Variants in ZC3H18 observed in about 807,000 individuals in gnomAD.
The protein encoded by ZC3H18 is zinc finger CCCH domain-containing protein 18.
In ZC3H18, 8 loss-of-function variants were observed where a neutral mutation model predicts 106.1. The observed-to-expected ratio is 0.08, with a 90% CI of 0.04 to 0.14. The LOEUF is 0.14. Ranked by LOEUF, ZC3H18 falls within the 10% of genes least tolerant of loss-of-function variation. The pLI, the probability that ZC3H18 is intolerant of heterozygous loss-of-function variation, is 1.00. For synonymous variants in ZC3H18, 635 were observed against 522.1 expected, an observed-to-expected ratio of 1.22 and a Z score of -2.95; for missense variants, 1,318 against 1,278.4, an observed-to-expected ratio of 1.03 and a Z score of -0.47.
rs1411554592 is a variant in ZC3H18 at position 88,611,533 on chromosome 16, C to T, written c.1472C>T (p.Pro491Leu). 2 of 1,549,436 alleles carry T rather than the reference C, an allele frequency of 1.3e-6. No homozygotes were observed. The highest frequency in any genetic ancestry group is 1.7e-6 in the Non-Finnish European group (2 of 1,146,530). The change falls in exon 8 of 18, where the codon CCA becomes CTA. Residue 491 changes from proline (P) to leucine (L), a missense_variant. Physicochemically the swap from Pro to Leu is moderately conservative, Grantham distance 98 (BLOSUM62 -3). Coordinates refer to ENST00000301011, the MANE Select transcript of ZC3H18 (RefSeq NM_144604.4). ...GKPKPRSPQP[P>L]SRQAEPPKKE... ...CCCAAGCCCCGCTCCCCGCAGCCGC[C>T]AAGGTAGACCCTGCTTCCTGAAGCC...
chr16:88,596,880 A>G (rs1417814498), intron 3 of ZC3H18, among the ~76,000 whole-genome samples: 1 of 152,096 alleles, frequency 6.6e-6, no homozygotes, highest in Non-Finnish European at 1.5e-5. Flanking sequence ...GAGGCTCTGG[A>G]TTTTTGAACC....
intron 11 of ZC3H18, 21 bp from the exon 12 acceptor site, chr16:88,624,581 T>C: frequency 6.2e-7 from 1 of 1,612,572 alleles, no homozygotes. Flanking sequence ...CCTGCCCTGC[T>C]CGAGCCTCCC....
chr16:88,623,496 T>C, intron 10 of ZC3H18, 152 bp downstream of exon 10: 2 of 1,022,408 alleles, frequency 2.0e-6, no homozygotes, highest in South Asian at 3.3e-5. Context: ...TCGTGTCCTG[T>C]GTCCCCCACC....
chr16:88,614,178 C>T (rs1905435967), intron 8 of ZC3H18, among the ~76,000 whole-genome samples: 1 of 152,262 alleles, frequency 6.6e-6, no homozygotes, highest in African/African-American at 2.4e-5. Context: ...CTTCCAGTAA[C>T]ACTGGACTCC....
At chr16:88,629,023 G>T (rs1906499488) in intron 16 of ZC3H18, among the ~76,000 whole-genome samples, 169 bp downstream of exon 16, 2 of 152,252 alleles carry the variant, frequency 1.3e-5, no homozygotes, top group African/African-American at 4.8e-5. Context: ...CTAAAACGAA[G>T]AAAAGGTTTT....
At chr16:88,589,021 C>T (rs1291836709) in intron 3 of ZC3H18, among the ~76,000 whole-genome samples, 3 of 152,136 alleles carry the variant, frequency 2.0e-5, no homozygotes, top group African/African-American at 7.2e-5. Flanking sequence ...CTGATTCTTA[C>T]CGTTTTCTAG....
intron 12 of ZC3H18, among the ~76,000 whole-genome samples, chr16:88,624,997 G>A (rs756021496): frequency 7.2e-5 from 11 of 152,206 alleles, no homozygotes; most frequent in Non-Finnish European, 1.6e-4. Context: ...GGCCCCGTCT[G>A]CACTGGAAGG....
intron 9 of ZC3H18, 150 bp from the exon 10 acceptor site, chr16:88,623,069 G>A (rs72809485): frequency 1.3e-5 from 14 of 1,107,108 alleles, no homozygotes; most frequent in East Asian, 2.6e-5. Flanking sequence ...GCGTCTGTGC[G>A]CGCGTCTGCA....
chr16:88,623,212 G>A lies in ZC3H18; in HGVS notation c.1668-7G>A, dbSNP rs200091193. The A allele has an allele frequency of 1.7e-4, 276 of 1,611,418 alleles. No individual in the cohort carries two copies. Among genetic ancestry groups the A allele is most frequent in the Non-Finnish European group, 2.2e-4 (257 of 1,179,604 alleles). ...CTTCTCGCCACGCTCCGTCCCGCCC[G>A]CCCCAGGTCGTCTTCGCGGTCATCG... On this transcript the variant is annotated splice_region_variant and splice_polypyrimidine_tract_variant and intron_variant, in intron 9 of 17. Transcript: ENST00000301011.
intron 12 of ZC3H18, 124 bp downstream of exon 12, chr16:88,624,869 C>T (rs1344683538): frequency 2.4e-5 from 33 of 1,361,784 alleles, no homozygotes; most frequent in South Asian, 4.5e-5. Context: ...GCCCCCTAGC[C>T]GAGCAGCACC....
intron 12 of ZC3H18, 136 bp from the exon 13 acceptor site, chr16:88,625,066 C>A: frequency 9.6e-7 from 1 of 1,036,532 alleles, no homozygotes; most frequent in Non-Finnish European, 1.4e-6. Context: ...TAAAGGAAGA[C>A]AGGCCCAGGC....
intron 2 of ZC3H18, 75 bp from the exon 3 acceptor site, chr16:88,586,525 C>T: frequency 8.1e-7 from 1 of 1,237,790 alleles, no homozygotes; most frequent in Non-Finnish European, 1.2e-6. Context: ...CAGCTTCCTG[C>T]CCCTTCTGGT....
intron 8 of ZC3H18, among the ~76,000 whole-genome samples, chr16:88,620,792 C>CAA (rs1905910530): frequency 5.3e-5 from 8 of 151,920 alleles, no homozygotes; most frequent in Non-Finnish European, 1.2e-4. Context: ...TTCCATTGCT[C>CAA]AGGAGTTTAC....
intron 3 of ZC3H18, among the ~76,000 whole-genome samples, chr16:88,591,331 G>C (rs975848035): frequency 2.0e-5 from 3 of 152,010 alleles, no homozygotes; most frequent in Non-Finnish European, 4.4e-5. Context: ...ATAGCACTTT[G>C]GGAGGCCGAG....
At position 88,622,362 on chromosome 16, in the gene ZC3H18, G is replaced by A. The variant is rs764660517; in HGVS notation, c.1641G>A (p.Ser547=). The part of the protein sequence containing the change: ...RARRRRKTSA[S]SASASNSSRS... ...GAAGGCGTCGGAAAACATCAGCCTCGTCAGCCTCTGCCTCTAATTCCTCCA... is the reference window on the plus strand; with the variant it reads ...GAAGGCGTCGGAAAACATCAGCCTCATCAGCCTCTGCCTCTAATTCCTCCA... Residue 547 remains serine (S), a synonymous_variant, in exon 9 of 18, where the codon TCG becomes TCA. Transcript: ENST00000301011. 1.9e-5 allele frequency: 30 copies of A among 1,611,336 alleles called. No homozygotes were observed. Among genetic ancestry groups the A allele is most frequent in the Middle Eastern group, 1.6e-4 (1 of 6,080 alleles).
intron 8 of ZC3H18, among the ~76,000 whole-genome samples, chr16:88,616,462 G>C (rs896471747): frequency 3.9e-5 from 6 of 152,208 alleles, no homozygotes; most frequent in African/African-American, 1.4e-4. Flanking sequence ...CATTCAGCCG[G>C]CTTCCGGGTG....
At chr16:88,600,052 C>G in intron 6 of ZC3H18, 104 bp downstream of exon 6, 1 of 1,380,420 alleles carries the variant, frequency 7.2e-7, no homozygotes, top group Admixed American at 2.3e-5. Flanking sequence ...GGCTGAGACC[C>G]AGCCCCACTC....
At chr16:88,617,538 A>ATGCTCTTTGGCTAGTCATTGTCG (rs1905698409) in intron 8 of ZC3H18, among the ~76,000 whole-genome samples, 1 of 152,096 alleles carries the variant, frequency 6.6e-6, no homozygotes, top group Non-Finnish European at 1.5e-5. Context: ...AGTCATTGTC[A>ATGCTCTTTGGCTAGTCATTGTCG]TTAGAAATGT....
intron 2 of ZC3H18, among the ~76,000 whole-genome samples, chr16:88,586,297 T>TA (rs2142582569): frequency 6.6e-6 from 1 of 152,354 alleles, no homozygotes; most frequent in South Asian, 2.1e-4. Flanking sequence ...CCCGAAGTGT[T>TA]ACTATTTCCT....
Sources: gnomAD v4.1 joint callset for allele counts (sites outside exome capture counted in the v4.1 genomes callset) on GRCh38, gnomAD v4.1.1 for gene constraint, MANE v1.5 for transcripts, NCBI Gene and HGNC (gene_info 2026-07-23, HGNC 2026-07-21) for gene names.